ZFYVE16: variants seen among roughly 807,000 people sequenced by gnomAD.
ZFYVE16 encodes the protein zinc finger FYVE-type containing 16.
Under a neutral mutation model 138.1 loss-of-function variants are expected in ZFYVE16, and 89 were observed. The ratio of observed to expected loss-of-function variants is 0.64; its 90% CI spans 0.54 to 0.77. The LOEUF is 0.77. Ranked by LOEUF, ZFYVE16 falls within the 30% of genes least tolerant of loss-of-function variation. The probability of loss-of-function intolerance (pLI) is 0.00; values close to 1 mark genes in which losing one functional copy is unlikely to be tolerated. For missense variants in ZFYVE16, 1,793 were observed against 1,786.7 expected, an observed-to-expected ratio of 1.00 and a Z score of -0.06; for synonymous variants, 596 against 618.3, an observed-to-expected ratio of 0.96 and a Z score of 0.53.
intron 2 of ZFYVE16, among the ~76,000 whole-genome samples, chr5:80,432,401 G>C (rs1749182442): frequency 2.0e-5 from 3 of 152,172 alleles, no homozygotes. Flanking sequence ...GCTGAAACTG[G>C]AATCCCTTCC....
rs185540468 is a variant in ZFYVE16, at chr5:80,429,124, G to A, written c.-40+1579G>A. 6.3e-3 allele frequency among the ~76,000 whole-genome samples: 959 copies of A among 152,204 alleles called. 11 individuals are homozygous for A. The highest frequency in any genetic ancestry group is 0.021 in the African/African-American group (880 of 41,524). ...AGAGAATGCCACAAAGATACTCCTCGAGAAGAGCAACTCCAAGACACATAA... is the reference window on the plus strand; with the variant it reads ...AGAGAATGCCACAAAGATACTCCTCAAGAAGAGCAACTCCAAGACACATAA... On this transcript the variant is annotated intron_variant, in intron 2 of 18. Coordinates refer to ENST00000505560, the MANE Select transcript of ZFYVE16 (RefSeq NM_001284236.3).
In ZFYVE16 at chr5:80,465,400, GTTTTT is replaced by G. The variant is rs3072097; in HGVS notation, c.4024+5926_4024+5930del. The stretch of plus-strand genomic sequence containing the variant: ...GGTTTCTTTTTTTTTCCTTTTCTTT[GTTTTT>G]TTTTTTTTTTTTTTTTTTTGAGACA... On this transcript the variant is annotated intron_variant, in intron 15 of 18. Transcript: ENST00000505560. Among the ~76,000 whole-genome samples the G allele has an allele frequency of 2.9e-3, 77 of 26,776 alleles. 1 individual carries two copies. The highest frequency in any genetic ancestry group is 0.017 in the South Asian group (6 of 362). The allele number at this position is 26,776 out of a possible 152,430, so 17.6% of individuals were successfully genotyped here.
Position 80,449,593 on chromosome 5 carries a change from C to T in ZFYVE16, c.3106C>T (p.Pro1036Ser). Residue 1036 changes from proline (P) to serine (S), a missense_variant and splice_region_variant, in exon 9 of 19, where the codon CCT becomes TCT. By Grantham distance (74) the Pro-to-Ser change is moderately conservative. Around this residue, in one of 2 missense-constraint regions of ZFYVE16, gnomAD observed 1,295 missense variants for 1,204.3 expected, o/e 1.08. Coordinates refer to ENST00000505560, the MANE Select transcript of ZFYVE16 (RefSeq NM_001284236.3). ...LVASGEKGSVPVVEEHPSHEQ... is the reference protein window; with the variant it reads ...LVASGEKGSVSVVEEHPSHEQ... ...AATATATTACTTTCATCATTTAGTG[C>T]CTGTAGTAGAAGAACATCCATCTCA... 10 of 1,604,406 alleles carry T rather than the reference C, an allele frequency of 6.2e-6. No homozygotes were observed. The highest frequency in any genetic ancestry group is 8.5e-6 in the Non-Finnish European group (10 of 1,176,656).
intron 11 of ZFYVE16, among the ~76,000 whole-genome samples, chr5:80,453,573 G>T (rs189355257): frequency 6.6e-6 from 1 of 152,190 alleles, no homozygotes; most frequent in African/African-American, 2.4e-5. Context: ...TAGTGGTAAT[G>T]AGGGGAAATT....
chr5:80,447,011 C>T (rs1277837387), intron 7 of ZFYVE16, among the ~76,000 whole-genome samples: 1 of 151,966 alleles, frequency 6.6e-6, no homozygotes, highest in African/African-American at 2.4e-5. Context: ...CCTGTAATCC[C>T]AGCACTTTGG....
intron 1 of ZFYVE16, among the ~76,000 whole-genome samples, chr5:80,414,759 C>G (rs2547487): frequency 0.78 from 119,221 of 152,090 alleles, 49,567 homozygotes; most frequent in East Asian, 0.92. Context: ...ATAAATTATA[C>G]AAAACATTGG....
chr5:80,470,987 T>G (rs1191629627), intron 15 of ZFYVE16, among the ~76,000 whole-genome samples: 1 of 152,194 alleles, frequency 6.6e-6, no homozygotes, highest in African/African-American at 2.4e-5. Flanking sequence ...CAGCACGTGA[T>G]GTGCTTCCCC....
At chr5:80,455,604 G>A (rs1752445349) in intron 11 of ZFYVE16, 88 bp from the exon 12 acceptor site, 6 of 1,009,216 alleles carry the variant, frequency 5.9e-6, no homozygotes, top group Non-Finnish European at 6.1e-6. Flanking sequence ...CATAATGTTT[G>A]TTTGTAAAAT....
chr5:80,477,497 C>A lies in ZFYVE16; in HGVS notation c.*120C>A. 1 of 909,374 alleles carries A rather than the reference C, an allele frequency of 1.1e-6. No homozygotes were observed. Among genetic ancestry groups the A allele is most frequent in the Non-Finnish European group, 1.5e-6 (1 of 653,926 alleles). 56.3% of individuals were successfully genotyped at this position (909,374 alleles called of 1,614,324 possible). ...ATGTCTGATTTTTGAAACACATAAG[C>A]TTTGCTCTTTAGGCAGGAATGATCT... On this transcript the variant is annotated 3_prime_UTR_variant, in exon 19 of 19. Coordinates refer to ENST00000505560, the MANE Select transcript of ZFYVE16 (RefSeq NM_001284236.3).
chr5:80,408,385 T>C (rs1744923170), intron 1 of ZFYVE16, among the ~76,000 whole-genome samples: 1 of 152,246 alleles, frequency 6.6e-6, no homozygotes, highest in South Asian at 2.1e-4. Context: ...CAGACCGGAC[T>C]GGACCGGGAG....
chr5:80,413,237 T>C (rs999865984), intron 1 of ZFYVE16, among the ~76,000 whole-genome samples: 4 of 152,114 alleles, frequency 2.6e-5, no homozygotes, highest in Non-Finnish European at 4.4e-5. Flanking sequence ...TTTGGGAGGC[T>C]GAGGCAGGAG....
intron 1 of ZFYVE16, among the ~76,000 whole-genome samples, chr5:80,413,849 A>C (rs1040419369): frequency 6.6e-6 from 1 of 152,124 alleles, no homozygotes; most frequent in African/African-American, 2.4e-5. Flanking sequence ...CCCCATTCCC[A>C]TCCTAATGCG....
chr5:80,437,263 G>C lies in ZFYVE16; in HGVS notation c.578G>C (p.Ser193Thr). 2 of 1,612,204 alleles carry C rather than the reference G, an allele frequency of 1.2e-6. No individual in the cohort carries two copies. Among genetic ancestry groups the C allele is most frequent in the Non-Finnish European group, 8.5e-7 (1 of 1,179,042 alleles). Reference protein sequence around the residue: ...DTVREQQNDISSELQNREIGG... With the variant: ...DTVREQQNDITSELQNREIGG... ...GTCAGAGAACAACAGAATGATATCA[G>C]TTCTGAATTACAAAATAGAGAAATC... is the stretch of plus-strand genomic sequence containing the variant. The change falls in exon 4 of 19, where the codon AGT becomes ACT. Residue 193 changes from serine (S) to threonine (T), a missense_variant. Coordinates refer to ENST00000505560, the MANE Select transcript of ZFYVE16 (RefSeq NM_001284236.3).
chr5:80,454,006 C>G (rs1752252341), intron 11 of ZFYVE16: 1 of 152,172 alleles, frequency 6.6e-6, no homozygotes, highest in African/African-American at 2.4e-5. Flanking sequence ...AGGTTGCCCC[C>G]TCATTCATAT....
At chr5:80,466,269 G>T (rs1431055725) in intron 15 of ZFYVE16, among the ~76,000 whole-genome samples, 2 of 152,006 alleles carry the variant, frequency 1.3e-5, no homozygotes, top group Non-Finnish European at 2.9e-5. Context: ...CGTCTCTGAG[G>T]GTCTGTTCAT....
intron 14 of ZFYVE16, among the ~76,000 whole-genome samples, chr5:80,458,464 CAA>C (rs1204088989): frequency 6.6e-6 from 1 of 152,104 alleles, no homozygotes; most frequent in African/African-American, 2.4e-5. Flanking sequence ...CTTTTATAGA[CAA>C]GTCATAATAT....
chr5:80,455,702 T>C lies in ZFYVE16; in HGVS notation c.3618T>C (p.Ala1206=), dbSNP rs1752458493. 1 of 1,602,980 alleles carries C rather than the reference T, an allele frequency of 6.2e-7. No homozygotes were observed. ...CTTTCTTATGTATAGCATATCCTGC[T>C]CCTCTAACAAGCATCAGAGGCCGAA... ...RLGAEYKAYP[A]PLTSIRGRKP... Residue 1206 remains alanine, a synonymous_variant, in exon 12 of 19, where the codon GCT becomes GCC. Coordinates refer to ENST00000505560, the MANE Select transcript of ZFYVE16 (RefSeq NM_001284236.3).
intron 1 of ZFYVE16, among the ~76,000 whole-genome samples, chr5:80,408,865 G>A (rs975909985): frequency 1.3e-5 from 2 of 152,174 alleles, no homozygotes; most frequent in African/African-American, 2.4e-5. Context: ...TCAAAAAATA[G>A]GCACTTTGTT....
intron 1 of ZFYVE16, chr5:80,409,787 A>T (rs759268916): frequency 6.6e-6 from 1 of 152,260 alleles, no homozygotes; most frequent in Non-Finnish European, 1.5e-5. Context: ...GGGGACATCC[A>T]GGGGTCCTGA....
Sources: allele counts gnomAD v4.1 joint callset (sites outside exome capture counted in the v4.1 genomes callset), GRCh38; gene constraint gnomAD v4.1.1; regional missense constraint gnomAD v4.1.1; transcripts MANE v1.5; gene names NCBI Gene and HGNC (gene_info 2026-07-23, HGNC 2026-07-21).